Variants in CHRNA1 observed in about 807,000 individuals in gnomAD.
CHRNA1 encodes the protein cholinergic receptor nicotinic alpha 1 subunit, also known as acetylcholine receptor subunit alpha.
Under a neutral mutation model 47.1 loss-of-function variants are expected in CHRNA1, and 35 were observed. The observed-to-expected ratio is 0.74, with a 90% confidence interval of 0.57 to 0.99. The LOEUF is 0.99. Ranked by LOEUF, CHRNA1 falls within the 50% of genes least tolerant of loss-of-function variation. The pLI is 0.00. For synonymous variants in CHRNA1, 229 were observed against 223.6 expected, an observed-to-expected ratio of 1.02 and a Z score of -0.22; for missense variants, 506 against 591.1, an observed-to-expected ratio of 0.86 and a Z score of 1.49.
intron 3 of CHRNA1, among the ~76,000 whole-genome samples, chr2:174,758,657 C>T (rs1684031522): frequency 6.6e-6 from 1 of 152,128 alleles, no homozygotes. Context: ...GAGTACTCCA[C>T]CTGTATGTGC....
At chr2:174,759,307 C>T in intron 3 of CHRNA1, 24 bp downstream of exon 3, 1 of 1,612,910 alleles carries the variant, frequency 6.2e-7, no homozygotes, top group East Asian at 2.2e-5. Context: ...AAACGACACA[C>T]ATGCAATTAT....
At chr2:174,748,380 T>C in intron 8 of CHRNA1, 125 bp from the exon 9 acceptor site, 1 of 1,446,020 alleles carries the variant, frequency 6.9e-7, no homozygotes. Context: ...ATCCCTTGGC[T>C]GGCATCGTCT....
intron 4 of CHRNA1, among the ~76,000 whole-genome samples, chr2:174,755,178 C>G (rs949200115): frequency 2.6e-5 from 4 of 152,122 alleles, no homozygotes; most frequent in Admixed American, 6.5e-5. Context: ...AGCCACCGTG[C>G]CTGACTGGCC....
chr2:174,754,481 C>T (rs1574007611), intron 4 of CHRNA1, 67 bp from the exon 5 acceptor site: 19 of 1,394,128 alleles, frequency 1.4e-5, no homozygotes, highest in Admixed American at 8.5e-5. Context: ...TGCTTGGGGA[C>T]GTTAACAGGA....
chr2:174,757,513 C>G (rs1222299614), intron 4 of CHRNA1, 53 bp downstream of exon 4: 6 of 1,370,744 alleles, frequency 4.4e-6, no homozygotes, highest in Non-Finnish European at 6.3e-6. Context: ...TATTAGGGCA[C>G]TTTATTCCAC....
chr2:174,754,134 G>A, intron 5 of CHRNA1, 85 bp downstream of exon 5: 1 of 1,242,594 alleles, frequency 8.0e-7, no homozygotes, highest in South Asian at 1.2e-5. Flanking sequence ...CTGGTACTGA[G>A]AGCCTATGAT....
Position 174,748,695 on chromosome 2 carries a change from C to T in CHRNA1, c.1127G>A (p.Gly376Glu), listed in dbSNP as rs1199246313. Reference sequence around the variant, plus strand: ...AGAGTGGAAGCCCATGGGTGGAGGCCCTGGCTTTCCAGAAATGTCAGAGAT... The same window carrying T: ...AGAGTGGAAGCCCATGGGTGGAGGCTCTGGCTTTCCAGAAATGTCAGAGAT... ...IDISDISGKP[G>E]PPPMGFHSPL... The change falls in exon 8 of 9, where the codon GGG becomes GAG. Residue 376 changes from glycine (G) to glutamate (E), a missense_variant. Physicochemically the swap from Gly to Glu is moderately conservative, Grantham distance 98 (BLOSUM62 -2). Coordinates refer to ENST00000348749, the MANE Select transcript of CHRNA1 (RefSeq NM_000079.4). The T allele has an allele frequency of 6.2e-7, 1 of 1,614,014 alleles. No individual in the cohort carries two copies. Among genetic ancestry groups the T allele is most frequent in the Non-Finnish European group, 8.5e-7 (1 of 1,180,026 alleles).
intron 2 of CHRNA1, 41 bp downstream of exon 2, chr2:174,759,447 G>A: frequency 6.2e-7 from 1 of 1,614,144 alleles, no homozygotes; most frequent in Non-Finnish European, 8.5e-7. Context: ...AGGGGTGAGA[G>A]GTGTGGGTGT....
chr2:174,757,359 T>C (rs923766803), intron 4 of CHRNA1, among the ~76,000 whole-genome samples: 2 of 152,134 alleles, frequency 1.3e-5, no homozygotes, highest in African/African-American at 4.8e-5. Context: ...TCTTGCTATG[T>C]TGCCCAGGCT....
At position 174,764,428 on chromosome 2, in the gene CHRNA1, T is replaced by G; in HGVS notation, c.-34A>C. On this transcript the variant is annotated 5_prime_UTR_variant, in exon 1 of 9. Coordinates refer to ENST00000348749, the MANE Select transcript of CHRNA1 (RefSeq NM_000079.4). Reference sequence around the variant, plus strand: ...GGAGCTTGTGTGGACCAGGGCAGAGTGGTGGCCTGTGCTTCTCACTGGCAC... The same window carrying G: ...GGAGCTTGTGTGGACCAGGGCAGAGGGGTGGCCTGTGCTTCTCACTGGCAC... 1 of 1,605,910 alleles carries G rather than the reference T, an allele frequency of 6.2e-7. No homozygotes were observed. Among genetic ancestry groups the G allele is most frequent in the South Asian group, 1.1e-5 (1 of 89,620 alleles).
Position 174,754,348 on chromosome 2 carries a change from C to T in CHRNA1, c.411G>A (p.Thr137=), listed in dbSNP as rs758613275. The change falls in exon 5 of 9, where the codon ACG becomes ACA. Residue 137 remains threonine, a synonymous_variant. Transcript: ENST00000348749. ...KVLLQYTGHI[T]WTPPAIFKSY... The stretch of plus-strand genomic sequence containing the variant: ...TTTTAAAGATGGCTGGAGGTGTCCA[C>T]GTGATGTGGCCAGTGTACTGCAGGA... 5.0e-6 allele frequency: 8 copies of T among 1,613,982 alleles called. No individual in the cohort carries two copies. The highest frequency in any genetic ancestry group is 4.4e-5 in the South Asian group (4 of 91,084).
At chr2:174,754,435 G>T in intron 4 of CHRNA1, 21 bp from the exon 5 acceptor site, 1 of 1,610,736 alleles carries the variant, frequency 6.2e-7, no homozygotes, top group South Asian at 1.1e-5. Flanking sequence ...GATAAAAGAG[G>T]AAAATGGCTC....
At chr2:174,759,169 G>C (rs893493081) in intron 3 of CHRNA1, among the ~76,000 whole-genome samples, 162 bp downstream of exon 3, 3 of 152,060 alleles carry the variant, frequency 2.0e-5, no homozygotes, top group African/African-American at 7.2e-5. Flanking sequence ...TTAAAAAAAA[G>C]CAAAACCAAA....
In CHRNA1 at chr2:174,758,585, C is replaced by T. The variant is rs113733094; in HGVS notation, c.234+746G>A. Among the ~76,000 whole-genome samples the T allele has an allele frequency of 4.6e-5, 7 of 152,124 alleles. 1 individual carries two copies. The highest frequency in any genetic ancestry group is 1.7e-4 in the African/African-American group (7 of 41,518). ...GGGAAGTTTAACTGGTAAGTATATG[C>T]AAATATTTCAAAATAAAAACCAAAA... On this transcript the variant is annotated intron_variant, in intron 3 of 8. Transcript: ENST00000348749.
chr2:174,756,972 T>A (rs1683990937), intron 4 of CHRNA1, among the ~76,000 whole-genome samples: 1 of 152,174 alleles, frequency 6.6e-6, no homozygotes, highest in Non-Finnish European at 1.5e-5. Flanking sequence ...TGAATAATAT[T>A]ATAATTTCAC....
Position 174,749,967 on chromosome 2 carries a change from G to T in CHRNA1, c.981C>A (p.Val327=). 6.2e-7 allele frequency: 1 copy of T among 1,614,098 alleles called. No homozygotes were observed. Among genetic ancestry groups the T allele is most frequent in the South Asian group, 1.1e-5 (1 of 91,032 alleles). ...TCACCTTCCGCACCCAGTTGGGCAT[G>T]ACATGGGTGCTGGGTGAGCGGTGGT... ...NTHHRSPSTH[V]MPNWVRKVFI... is the part of the protein sequence containing the mutation. The change falls in exon 7 of 9, where the codon GTC becomes GTA. Residue 327 remains valine (V), a synonymous_variant. Coordinates refer to ENST00000348749, the MANE Select transcript of CHRNA1 (RefSeq NM_000079.4).
chr2:174,752,936 TTA>T (rs1189272215), intron 6 of CHRNA1: 2 of 166,702 alleles, frequency 1.2e-5, no homozygotes, highest in Non-Finnish European at 2.7e-5. Context: ...TTTGATAAAA[TTA>T]TGTCACAGAT....
At chr2:174,758,788 A>T (rs1464649050) in intron 3 of CHRNA1, among the ~76,000 whole-genome samples, 1 of 152,198 alleles carries the variant, frequency 6.6e-6, no homozygotes, top group Non-Finnish European at 1.5e-5. Flanking sequence ...TAGGTTCTTT[A>T]CAGAGGTAAT....
At chr2:174,758,706 C>A (rs556893052) in intron 3 of CHRNA1, among the ~76,000 whole-genome samples, 74 of 152,236 alleles carry the variant, frequency 4.9e-4, no homozygotes, top group African/African-American at 1.8e-3. Flanking sequence ...GCTATGGGTT[C>A]AATTGTGTCC....
Sources: allele counts gnomAD v4.1 joint callset (sites outside exome capture counted in the v4.1 genomes callset), GRCh38; gene constraint gnomAD v4.1.1; transcripts MANE v1.5; gene names NCBI Gene and HGNC (gene_info 2026-07-23, HGNC 2026-07-21).